USH2A: variants seen among roughly 807,000 people sequenced by gnomAD.
The protein encoded by USH2A is Usher syndrome 2A (autosomal recessive, mild).
USH2A carries 443 observed loss-of-function variants against 538.9 expected under a neutral mutation model. The ratio of observed to expected loss-of-function variants is 0.82; its 90% confidence interval spans 0.76 to 0.89. The LOEUF (loss-of-function observed/expected upper bound fraction) is 0.89. Among genes scored for constraint, USH2A ranks in the 40% least tolerant of loss-of-function variants. USH2A has a pLI of 0.00. For missense variants in USH2A, 6,633 were observed against 6,324.8 expected (o/e 1.05, Z -1.65); for synonymous variants, 2,413 against 2,273.5 (o/e 1.06, Z -1.75).
intron 32 of USH2A, among the ~76,000 whole-genome samples, chr1:216,019,031 T>G (rs895104868): frequency 1.3e-5 from 2 of 152,216 alleles, no homozygotes; most frequent in African/African-American, 4.8e-5. Flanking sequence ...GTTTGTCACT[T>G]GTTTTATCAT....
At chr1:215,672,077 C>T (rs558991805) in intron 63 of USH2A, among the ~76,000 whole-genome samples, 1 of 152,288 alleles carries the variant, frequency 6.6e-6, no homozygotes, top group East Asian at 1.9e-4. Context: ...CATAGCTGGT[C>T]TCTGCTACTT....
At chr1:215,880,506 T>A (rs78670769) in intron 41 of USH2A, among the ~76,000 whole-genome samples, 2,758 of 152,300 alleles carry the variant, frequency 0.018, 32 homozygotes, top group Middle Eastern at 0.045. Context: ...GTTTTAGATG[T>A]GTTCCTTATA....
chr1:215,692,476 C>A (rs1012012453), intron 61 of USH2A, among the ~76,000 whole-genome samples: 3 of 151,634 alleles, frequency 2.0e-5, no homozygotes, highest in African/African-American at 7.3e-5. Context: ...TGAATTAGAA[C>A]TTTCTTCTCA....
chr1:215,738,985 A>C (rs1412336148), intron 60 of USH2A, among the ~76,000 whole-genome samples: 1 of 152,208 alleles, frequency 6.6e-6, no homozygotes, highest in Non-Finnish European at 1.5e-5. Flanking sequence ...TATCTAAGAA[A>C]AATTTGATAT....
intron 41 of USH2A, among the ~76,000 whole-genome samples, chr1:215,882,714 A>T (rs959043715): frequency 6.6e-6 from 1 of 152,146 alleles, no homozygotes; most frequent in Non-Finnish European, 1.5e-5. Flanking sequence ...TTTCACAGAA[A>T]AAAAGTTCTC....
At chr1:215,966,060 A>G (rs554187636) in intron 36 of USH2A, among the ~76,000 whole-genome samples, 1 of 152,216 alleles carries the variant, frequency 6.6e-6, no homozygotes, top group East Asian at 1.9e-4. Context: ...TCATGCTAAC[A>G]TTAAGAAATA....
At chr1:215,763,338 T>A (rs373090051) in intron 56 of USH2A, among the ~76,000 whole-genome samples, 7 of 152,224 alleles carry the variant, frequency 4.6e-5, no homozygotes, top group African/African-American at 1.4e-4. Context: ...TGACACAGAC[T>A]GTGGGGAGAA....
intron 44 of USH2A, among the ~76,000 whole-genome samples, chr1:215,849,682 G>T (rs1050295573): frequency 6.6e-6 from 1 of 151,930 alleles, no homozygotes; most frequent in Non-Finnish European, 1.5e-5. Context: ...GACATATCAT[G>T]GAATATTGAA....
At chr1:216,142,633 C>G (rs1407326289) in intron 21 of USH2A, among the ~76,000 whole-genome samples, 2 of 152,178 alleles carry the variant, frequency 1.3e-5, no homozygotes, top group Non-Finnish European at 2.9e-5. Context: ...GATACACTCT[C>G]TCTTTCCTAA....
At chr1:216,376,439 T>A (rs1375730655) in intron 3 of USH2A, among the ~76,000 whole-genome samples, 1 of 152,100 alleles carries the variant, frequency 6.6e-6, no homozygotes, top group African/African-American at 2.4e-5. Context: ...AAATTTAAAA[T>A]GATTAGGTTA....
chr1:216,100,076 A>G (rs2032542145), intron 21 of USH2A, among the ~76,000 whole-genome samples: 2 of 152,348 alleles, frequency 1.3e-5, no homozygotes, highest in Non-Finnish European at 2.9e-5. Flanking sequence ...AAATCTAGAT[A>G]GGAGGGAACT....
intron 21 of USH2A, among the ~76,000 whole-genome samples, chr1:216,123,627 T>G (rs1298297795): frequency 6.6e-6 from 1 of 152,232 alleles, no homozygotes; most frequent in African/African-American, 2.4e-5. Context: ...ACAGTTACTA[T>G]GTTTCCCACA....
intron 9 of USH2A, among the ~76,000 whole-genome samples, chr1:216,298,026 T>C (rs1190671345): frequency 6.6e-6 from 1 of 152,220 alleles, no homozygotes; most frequent in Non-Finnish European, 1.5e-5. Context: ...TTAAAAACCC[T>C]ATTCCATCGT....
chr1:216,098,805 A>G (rs1270415768), intron 21 of USH2A, among the ~76,000 whole-genome samples: 1 of 152,232 alleles, frequency 6.6e-6, no homozygotes, highest in Non-Finnish European at 1.5e-5. Flanking sequence ...AAAATACCTG[A>G]TTAAAAGAAA....
intron 26 of USH2A, among the ~76,000 whole-genome samples, chr1:216,080,946 A>G (rs1309513554): frequency 6.6e-6 from 1 of 152,004 alleles, no homozygotes; most frequent in Non-Finnish European, 1.5e-5. Flanking sequence ...TTCAGGTTAT[A>G]GTGTTTCTAG....
intron 27 of USH2A, 99 bp downstream of exon 27, chr1:216,077,990 T>C: frequency 6.8e-7 from 1 of 1,476,786 alleles, no homozygotes; most frequent in Non-Finnish European, 9.4e-7. Context: ...GGTGCTGCTT[T>C]TAGCCTGAGT....
chr1:215,864,186 T>A (rs1470401941), intron 44 of USH2A, among the ~76,000 whole-genome samples: 1 of 152,178 alleles, frequency 6.6e-6, no homozygotes, highest in African/African-American at 2.4e-5. Context: ...AAAGTGTTAA[T>A]GACTGTTAAG....
chr1:215,815,329 G>A (rs3884585), intron 48 of USH2A, among the ~76,000 whole-genome samples: 59,277 of 151,548 alleles, frequency 0.39, 11,969 homozygotes, highest in Admixed American at 0.52. Context: ...ATTTGCACAC[G>A]CCTGTTTTCT....
chr1:216,226,786 AC>A (rs1303205941), intron 14 of USH2A, among the ~76,000 whole-genome samples: 16 of 152,120 alleles, frequency 1.1e-4, no homozygotes, highest in African/African-American at 3.9e-4. Flanking sequence ...AGACAACCTT[AC>A]CCTGTCTTTC....
Sources: gnomAD v4.1 joint callset for allele counts (sites outside exome capture counted in the v4.1 genomes callset) on GRCh38, gnomAD v4.1.1 for gene constraint, MANE v1.5 for transcripts, NCBI Gene and HGNC (gene_info 2026-07-23, HGNC 2026-07-21) for gene names.